The following HHAT variants were observed in gnomAD, a reference collection of about 807,000 sequenced individuals.
HHAT encodes hedgehog acyltransferase.
HHAT carries 47 observed loss-of-function variants against 70.8 expected under a neutral mutation model. The ratio of observed to expected loss-of-function variants is 0.66; its 90% CI spans 0.53 to 0.85. HHAT has a LOEUF of 0.85. Among genes scored for constraint, HHAT ranks in the 40% least tolerant of loss-of-function variants. The pLI is 0.00. For missense variants in HHAT, 609 were observed against 604.8 expected (o/e 1.01, Z -0.07); for synonymous variants, 228 against 247.6 (o/e 0.92, Z 0.74).
At chr1:210,654,481 A>G (rs1199570794) in intron 11 of HHAT, among the ~76,000 whole-genome samples, 1 of 152,196 alleles carries the variant, frequency 6.6e-6, no homozygotes, top group Non-Finnish European at 1.5e-5. Context: ...GGCATAATAA[A>G]TGTTGAATGA....
At chr1:210,386,510 T>A (rs1012739384) in intron 3 of HHAT, among the ~76,000 whole-genome samples, 2 of 151,992 alleles carry the variant, frequency 1.3e-5, no homozygotes, top group Non-Finnish European at 2.9e-5. Flanking sequence ...AGTGCTGGGA[T>A]TACAGGCGTG....
intron 7 of HHAT, among the ~76,000 whole-genome samples, chr1:210,447,114 C>T (rs2093651066): frequency 6.6e-6 from 1 of 152,190 alleles, no homozygotes; most frequent in Admixed American, 6.5e-5. Context: ...GAGCTTTAGT[C>T]TTAACCCCAT....
chr1:210,484,283 T>G (rs1375726748), intron 8 of HHAT, among the ~76,000 whole-genome samples: 1 of 152,156 alleles, frequency 6.6e-6, no homozygotes, highest in African/African-American at 2.4e-5. Flanking sequence ...AGTTCTCCCT[T>G]ATTTAATAGA....
At chr1:210,584,542 G>A (rs1488195357) in intron 9 of HHAT, among the ~76,000 whole-genome samples, 2 of 152,144 alleles carry the variant, frequency 1.3e-5, no homozygotes, top group African/African-American at 4.8e-5. Context: ...TGACCAAGCA[G>A]CCTCTGGGGG....
rs1315593568 is a variant in HHAT at position 210,549,634 on chromosome 1, AT to A, written c.1043+36452del. 2.0e-5 allele frequency among the ~76,000 whole-genome samples: 3 copies of A among 148,700 alleles called. 1 individual carries two copies. The highest frequency in any genetic ancestry group is 4.4e-5 in the Non-Finnish European group (3 of 67,858). On this transcript the variant is annotated intron_variant, in intron 9 of 11. Coordinates refer to ENST00000261458, the MANE Select transcript of HHAT (RefSeq NM_018194.6). The stretch of plus-strand genomic sequence containing the variant: ...AAGAGTTGTGGGCAATTTAGACTTC[AT>A]TTTTTCCTCTTTGTAAAGTGAGCAG...
At chr1:210,438,642 T>TC (rs2093434821) in intron 7 of HHAT, among the ~76,000 whole-genome samples, 1 of 151,796 alleles carries the variant, frequency 6.6e-6, no homozygotes, top group Admixed American at 6.6e-5. Context: ...TTTAGGGTCT[T>TC]TAGGTCTGTG....
chr1:210,562,616 G>C (rs2095633529), intron 9 of HHAT, among the ~76,000 whole-genome samples: 1 of 151,508 alleles, frequency 6.6e-6, no homozygotes, highest in Non-Finnish European at 1.5e-5. Context: ...CAATGTCTTG[G>C]TTAAGCTTTA....
intron 11 of HHAT, among the ~76,000 whole-genome samples, chr1:210,644,303 TAAG>T (rs1339024227): frequency 6.6e-6 from 1 of 152,184 alleles, no homozygotes; most frequent in Admixed American, 6.5e-5. Context: ...GTGCGTCATC[TAAG>T]AAGAAGTAGC....
At chr1:210,378,511 G>A (rs577986061) in intron 3 of HHAT, among the ~76,000 whole-genome samples, 1 of 152,284 alleles carries the variant, frequency 6.6e-6, no homozygotes, top group South Asian at 2.1e-4. Context: ...ATATAAACTG[G>A]TTGGTAAGGT....
intron 3 of HHAT, chr1:210,374,278 A>T (rs191324728): frequency 6.6e-6 from 1 of 152,090 alleles, no homozygotes; most frequent in Non-Finnish European, 1.5e-5. Context: ...AATGCTACAA[A>T]TTAGTTCAAC....
Position 210,508,569 on chromosome 1 carries a change from G to A in HHAT, c.1008-4584G>A, listed in dbSNP as rs143846508. Among the ~76,000 whole-genome samples, 939 of 152,126 alleles carry A rather than the reference G, an allele frequency of 6.2e-3. 12 individuals are homozygous for A. Among genetic ancestry groups the A allele is most frequent in the African/African-American group, 0.021 (891 of 41,472 alleles). On this transcript the variant is annotated intron_variant, in intron 8 of 11. Coordinates refer to ENST00000261458, the MANE Select transcript of HHAT (RefSeq NM_018194.6). ...TTCTTTAAGCCAAACCTTTAGCGTC[G>A]TATCAAATATGTTGCCTGACTTATT...
chr1:210,594,128 T>G (rs1318773047), intron 10 of HHAT, among the ~76,000 whole-genome samples: 1 of 152,198 alleles, frequency 6.6e-6, no homozygotes, highest in African/African-American at 2.4e-5. Flanking sequence ...TCAGCCGCTC[T>G]GTCTTTTGAT....
chr1:210,402,786 T>A (rs923630523), intron 5 of HHAT, among the ~76,000 whole-genome samples: 1 of 152,214 alleles, frequency 6.6e-6, no homozygotes, highest in Non-Finnish European at 1.5e-5. Flanking sequence ...GTGGTATCTT[T>A]TTATTCATTC....
At chr1:210,368,086 C>G (rs1035706555) in intron 3 of HHAT, among the ~76,000 whole-genome samples, 1 of 152,014 alleles carries the variant, frequency 6.6e-6, no homozygotes, top group Middle Eastern at 3.2e-3. Flanking sequence ...GCCCACATTG[C>G]GTGCTCGATG....
upstream of HHAT, chr1:210,328,810 C>A (rs1402695094): frequency 7.9e-6 from 3 of 378,922 alleles, no homozygotes; most frequent in Non-Finnish European, 1.4e-5. Flanking sequence ...AAACGCAGGC[C>A]GCGCTCTGGC....
At chr1:210,334,415 C>T (rs529989103) in intron 1 of HHAT, among the ~76,000 whole-genome samples, 10 of 151,898 alleles carry the variant, frequency 6.6e-5, no homozygotes, top group African/African-American at 2.2e-4. Flanking sequence ...CTCAGCCTCC[C>T]AAAATGGTGG....
chr1:210,630,267 G>A (rs542906454), intron 11 of HHAT, among the ~76,000 whole-genome samples: 32 of 152,254 alleles, frequency 2.1e-4, no homozygotes, highest in African/African-American at 6.5e-4. Flanking sequence ...TGCTGTGTGA[G>A]GTGACTTTGA....
chr1:210,563,025 G>C (rs17016461), intron 9 of HHAT, among the ~76,000 whole-genome samples: 2 of 152,030 alleles, frequency 1.3e-5, no homozygotes. Flanking sequence ...GGCTCAGAAC[G>C]GATAAACTTG....
At chr1:210,491,653 C>T (rs2094553909) in intron 8 of HHAT, among the ~76,000 whole-genome samples, 1 of 152,208 alleles carries the variant, frequency 6.6e-6, no homozygotes, top group Non-Finnish European at 1.5e-5. Context: ...TACTTATATT[C>T]TGCTCCCAGT....
Sources: gnomAD v4.1 joint callset for allele counts (sites outside exome capture counted in the v4.1 genomes callset) on GRCh38, gnomAD v4.1.1 for gene constraint, MANE v1.5 for transcripts, NCBI Gene and HGNC (gene_info 2026-07-23, HGNC 2026-07-21) for gene names.